CSMD3: variants seen among roughly 807,000 people sequenced by gnomAD.
CSMD3 encodes CUB and sushi domain-containing protein 3.
CSMD3 carries 177 observed loss-of-function variants against 435.2 expected under a neutral mutation model. That is an observed-to-expected ratio of 0.41 (90% CI 0.36 to 0.46). CSMD3 has a LOEUF of 0.46. CSMD3 is among the 20% of genes least tolerant of loss of function. The pLI, the probability that CSMD3 is intolerant of heterozygous loss-of-function variation, is 0.34. For missense variants in CSMD3, 4,265 were observed against 4,504.6 expected, an observed-to-expected ratio of 0.95 and a Z score of 1.52; for synonymous variants, 1,656 against 1,520.5, an observed-to-expected ratio of 1.09 and a Z score of -2.07.
At chr8:112,840,730 G>T (rs1027044785) in intron 11 of CSMD3, among the ~76,000 whole-genome samples, 4 of 151,614 alleles carry the variant, frequency 2.6e-5, no homozygotes, top group African/African-American at 9.7e-5. Context: ...AAAAAAGAGT[G>T]AGGAAAGGTA....
chr8:112,928,843 G>T (rs1174542209), intron 9 of CSMD3, among the ~76,000 whole-genome samples: 154 of 148,442 alleles, frequency 1.0e-3, no homozygotes, highest in African/African-American at 3.5e-3. Flanking sequence ...TCTAGTTCTA[G>T]ATCCCTGAGG....
intron 1 of CSMD3, among the ~76,000 whole-genome samples, chr8:113,320,164 T>G (rs2093939513): frequency 6.6e-6 from 1 of 152,056 alleles, no homozygotes; most frequent in African/African-American, 2.4e-5. Flanking sequence ...TAAGTCAGTA[T>G]GATGTATATG....
chr8:112,294,216 C>T lies in CSMD3; in HGVS notation c.8615-1506G>A, dbSNP rs1354358785. On this transcript the variant is annotated intron_variant, in intron 54 of 70. Transcript: ENST00000297405. ...TTACCATGAAACTAGAATTTCTATA[C>T]GTTTCTGTGGATTGGATCAAAACAG... Among the ~76,000 whole-genome samples the T allele has an allele frequency of 5.9e-5, 9 of 151,942 alleles. No individual in the cohort carries two copies. In the East Asian group the frequency reaches 1.4e-3, roughly 23 times the overall value.
chr8:112,232,237 T>C lies in CSMD3; in HGVS notation c.10741-605A>G, dbSNP rs181829211. 1.8e-3 allele frequency among the ~76,000 whole-genome samples: 275 copies of C among 152,262 alleles called. 1 individual carries two copies. The highest frequency in any genetic ancestry group is 6.2e-3 in the African/African-American group (257 of 41,560). On this transcript the variant is annotated intron_variant, in intron 68 of 70. Transcript: ENST00000297405. ...TCTATACAGACAGAAAATAGGTTAG[T>C]GGTTACTCAGAGCTGATTTGAGAAT...
At chr8:113,256,206 C>A (rs1468795651) in intron 3 of CSMD3, among the ~76,000 whole-genome samples, 2 of 151,970 alleles carry the variant, frequency 1.3e-5, no homozygotes, top group African/African-American at 4.8e-5. Context: ...TGATAAATAT[C>A]ATATTTATAA....
intron 3 of CSMD3, among the ~76,000 whole-genome samples, chr8:113,202,887 A>T (rs1311290282): frequency 1.3e-5 from 2 of 152,102 alleles, no homozygotes; most frequent in Non-Finnish European, 2.9e-5. Context: ...CAAAATCAAT[A>T]CATTTTTCAC....
At chr8:113,430,796 A>T (rs769553371) in intron 1 of CSMD3, among the ~76,000 whole-genome samples, 3 of 152,180 alleles carry the variant, frequency 2.0e-5, no homozygotes, top group Non-Finnish European at 2.9e-5. Context: ...TACATATGTT[A>T]ATGTAAATTT....
At chr8:112,694,331 A>G (rs2076205907) in intron 13 of CSMD3, among the ~76,000 whole-genome samples, 2 of 152,136 alleles carry the variant, frequency 1.3e-5, no homozygotes, top group Non-Finnish European at 2.9e-5. Flanking sequence ...AGAAAAAACA[A>G]TGATAACAAA....
In CSMD3 at chr8:112,887,202, T is replaced by G. The variant is rs564324933; in HGVS notation, c.1634-27936A>C. Among the ~76,000 whole-genome samples the G allele has an allele frequency of 1.0e-2, 1,493 of 149,836 alleles. 23 individuals are homozygous for G. The highest frequency in any genetic ancestry group is 0.033 in the African/African-American group (1,362 of 41,064). ...TGTTTGTTGTTACAATTATTTGTTT[T>G]TTTTTTTTTTTGAATAGTATAAAAG... On this transcript the variant is annotated intron_variant, in intron 10 of 70. Coordinates refer to ENST00000297405, the MANE Select transcript of CSMD3 (RefSeq NM_198123.2).
chr8:113,150,806 A>G (rs2091788078), intron 4 of CSMD3, among the ~76,000 whole-genome samples: 1 of 152,040 alleles, frequency 6.6e-6, no homozygotes, highest in African/African-American at 2.4e-5. Flanking sequence ...AGATCAGGCC[A>G]TGACAAGTAA....
chr8:113,256,123 C>A (rs191446176), intron 3 of CSMD3, among the ~76,000 whole-genome samples: 1 of 151,014 alleles, frequency 6.6e-6, no homozygotes, highest in Non-Finnish European at 1.5e-5. Flanking sequence ...TCATGAGAAG[C>A]AACAGCAGAA....
intron 11 of CSMD3, 139 bp from the exon 12 acceptor site, chr8:112,829,928 A>AC (rs1193603822): frequency 1.3e-5 from 7 of 552,814 alleles, no homozygotes; most frequent in Non-Finnish European, 1.6e-5. Flanking sequence ...CACACACACA[A>AC]GCAGTTCAAT....
chr8:112,655,669 TAC>T (rs56746881), intron 18 of CSMD3, among the ~76,000 whole-genome samples: 3,602 of 152,130 alleles, frequency 0.024, 156 homozygotes, highest in African/African-American at 0.082. Flanking sequence ...TATATGTATA[TAC>T]AGTTTGCCTT....
intron 1 of CSMD3, among the ~76,000 whole-genome samples, chr8:113,399,106 T>TACAC (rs56045224): frequency 0.026 from 2,430 of 94,966 alleles, 100 homozygotes; most frequent in East Asian, 0.16. Context: ...TATATATATA[T>TACAC]ACACACACAC....
chr8:112,611,283 G>A (rs1022788434), intron 22 of CSMD3, among the ~76,000 whole-genome samples: 6 of 152,100 alleles, frequency 3.9e-5, no homozygotes, highest in Non-Finnish European at 7.4e-5. Flanking sequence ...AGGTACATCT[G>A]GTTGATGAAT....
In CSMD3 at chr8:112,626,240, G is replaced by A. The variant is rs560248749; in HGVS notation, c.3715+10577C>T. Among the ~76,000 whole-genome samples, 30 of 152,088 alleles carry A rather than the reference G, an allele frequency of 2.0e-4. 1 individual carries two copies. The South Asian group carries it at 3.1e-3, about 16-fold the overall frequency. On this transcript the variant is annotated intron_variant, in intron 22 of 70. Coordinates refer to ENST00000297405, the MANE Select transcript of CSMD3 (RefSeq NM_198123.2). ...CAGTCCTACTCTCTCGTATTCAACC[G>A]AAGCCCACCCCTGTTGATGCCACCA...
chr8:112,323,988 AT>A (rs889883290), intron 45 of CSMD3, among the ~76,000 whole-genome samples: 1 of 152,106 alleles, frequency 6.6e-6, no homozygotes, highest in African/African-American at 2.4e-5. Context: ...CCAATATAAA[AT>A]TAAGACACAT....
intron 5 of CSMD3, among the ~76,000 whole-genome samples, chr8:113,078,678 C>T (rs1484834335): frequency 6.6e-6 from 1 of 152,108 alleles, no homozygotes; most frequent in East Asian, 1.9e-4. Flanking sequence ...TAGAAATCTT[C>T]AGTATAAAGT....
rs1313246116 is a variant in CSMD3, at chr8:112,488,931, G to GTAA, written c.5278+3557_5278+3558insTTA. ...AATCTTCAGCTTCTGACCAATAAGA[G>GTAA]GATAGAGAGGGATAAGGCAGATGAC... On this transcript the variant is annotated intron_variant, in intron 31 of 70. Coordinates refer to ENST00000297405, the MANE Select transcript of CSMD3 (RefSeq NM_198123.2). Among the ~76,000 whole-genome samples the GTAA allele has an allele frequency of 6.6e-5, 10 of 151,916 alleles. No homozygotes were observed. In the East Asian group the frequency reaches 1.5e-3, roughly 24 times the overall value.
Sources: gnomAD v4.1 joint callset for allele counts (sites outside exome capture counted in the v4.1 genomes callset) on GRCh38, gnomAD v4.1.1 for gene constraint, MANE v1.5 for transcripts, NCBI Gene and HGNC (gene_info 2026-07-23, HGNC 2026-07-21) for gene names.